The following PARP12 variants were observed in gnomAD, a reference collection of about 807,000 sequenced individuals.
PARP12 encodes protein mono-ADP-ribosyltransferase PARP12.
A neutral mutation model predicts 72.4 loss-of-function variants in PARP12; 59 were observed. The observed-to-expected ratio is 0.81, with a 90% CI of 0.66 to 1.01. The LOEUF (loss-of-function observed/expected upper bound fraction) is 1.01, where lower values mean the gene tolerates loss of function less well. PARP12 is among the 50% of genes least tolerant of loss of function. The probability of loss-of-function intolerance (pLI) is 0.00; values close to 1 mark genes in which losing one functional copy is unlikely to be tolerated. For synonymous variants in PARP12, 403 were observed against 371.4 expected, an observed-to-expected ratio of 1.09 and a Z score of -0.98; for missense variants, 851 against 914.0, an observed-to-expected ratio of 0.93 and a Z score of 0.89.
At chr7:140,046,097 T>C (rs891904537) in intron 5 of PARP12, among the ~76,000 whole-genome samples, 1 of 152,226 alleles carries the variant, frequency 6.6e-6, no homozygotes, top group Non-Finnish European at 1.5e-5. Flanking sequence ...CACTGAACTG[T>C]ATGCTTAATA....
chr7:140,025,795 G>A (rs1054348669), intron 11 of PARP12, among the ~76,000 whole-genome samples: 37 of 152,286 alleles, frequency 2.4e-4, no homozygotes, highest in African/African-American at 7.2e-4. Context: ...GATAACTCAC[G>A]TGATAGCTAG....
At position 140,049,851 on chromosome 7, in the gene PARP12, C is replaced by T. The variant is rs530372506; in HGVS notation, c.863-2844G>A. On this transcript the variant is annotated intron_variant, in intron 4 of 11. Transcript: ENST00000263549. ...GCGGTAGAGACATAAGGTCCTTTCC[C>T]TTGTCCTGGTCTTCCTGTCCCCTTT... Among the ~76,000 whole-genome samples, 3 of 152,232 alleles carry T rather than the reference C, an allele frequency of 2.0e-5. No individual in the cohort carries two copies. The South Asian group carries it at 6.2e-4, about 32-fold the overall frequency.
At chr7:140,025,628 G>A (rs2116508976) in intron 11 of PARP12, 1 of 442,946 alleles carries the variant, frequency 2.3e-6, no homozygotes, top group African/African-American at 2.0e-5. Context: ...AGAGAGAAGT[G>A]GCAGCATGTT....
At chr7:140,043,186 T>TC (rs1261973731) in intron 5 of PARP12, among the ~76,000 whole-genome samples, 1 of 151,888 alleles carries the variant, frequency 6.6e-6, no homozygotes, top group Non-Finnish European at 1.5e-5. Context: ...AGAGTGAGAC[T>TC]CCATCTCAAA....
At position 140,026,359 on chromosome 7, in the gene PARP12, A is replaced by C; in HGVS notation, c.1629-11T>G. The C allele has an allele frequency of 1.2e-6, 2 of 1,605,640 alleles. No homozygotes were observed. On this transcript the variant is annotated splice_polypyrimidine_tract_variant and intron_variant, in intron 10 of 11. Transcript: ENST00000263549. ...ATCTGTCCTTTTTGCCTAGAATCACAGAAGAATGTGTGCTGGGGGCAGAGT... is the reference window on the plus strand; with the variant it reads ...ATCTGTCCTTTTTGCCTAGAATCACCGAAGAATGTGTGCTGGGGGCAGAGT...
chr7:140,039,887 A>ACTGCT (rs112771273), intron 6 of PARP12, among the ~76,000 whole-genome samples: 13,444 of 152,038 alleles, frequency 0.088, 988 homozygotes, highest in African/African-American at 0.21. Context: ...ACATTCTCAA[A>ACTGCT]CTGCTCGCCA....
chr7:140,027,968 G>A (rs1366214058), intron 9 of PARP12, among the ~76,000 whole-genome samples: 1 of 152,130 alleles, frequency 6.6e-6, no homozygotes, highest in African/African-American at 2.4e-5. Flanking sequence ...TGCCTGCACT[G>A]TTGGCATCTG....
chr7:140,038,407 T>C, intron 6 of PARP12: 1 of 730,922 alleles, frequency 1.4e-6, no homozygotes, highest in Non-Finnish European at 1.7e-6. Flanking sequence ...TGGAGTGAGT[T>C]TGAATTCTGG....
At chr7:140,030,648 C>G (rs1815906835) in intron 8 of PARP12, among the ~76,000 whole-genome samples, 1 of 150,156 alleles carries the variant, frequency 6.7e-6, no homozygotes, top group African/African-American at 2.5e-5. Context: ...CATATTCAGA[C>G]AAACCAAAAA....
intron 3 of PARP12, 83 bp downstream of exon 3, chr7:140,056,773 T>C: frequency 7.2e-7 from 1 of 1,388,914 alleles, no homozygotes; most frequent in Non-Finnish European, 9.8e-7. Flanking sequence ...ACATTCCATG[T>C]AATGGCTAGC....
Position 140,062,830 on chromosome 7 carries a change from G to A in PARP12, c.18C>T (p.Val6=). 2 of 1,397,888 alleles carry A rather than the reference G, an allele frequency of 1.4e-6. No homozygotes were observed. The highest frequency in any genetic ancestry group is 2.7e-5 in the Admixed American group (1 of 36,648). 86.6% of individuals were successfully genotyped at this position (1,397,888 alleles called of 1,614,324 possible). Residue 6 remains valine (V), a synonymous_variant, in exon 1 of 12, where the codon GTC becomes GTT. Transcript: ENST00000263549. ...ACAGCACCTGGGTGACCTCACCGAC[G>A]ACGCCGGCCTGGGCCATGGCCGCTG... MAQAG[V]VGEVTQVLCA... is the part of the protein sequence containing the mutation.
At chr7:140,038,416 G>T in intron 6 of PARP12, 2 of 635,368 alleles carry the variant, frequency 3.1e-6, no homozygotes, top group Non-Finnish European at 3.9e-6. Flanking sequence ...TTTGAATTCT[G>T]GCTCCCAAAC....
intron 6 of PARP12, 155 bp from the exon 7 acceptor site, chr7:140,038,011 A>G: frequency 2.0e-6 from 2 of 985,404 alleles, no homozygotes; most frequent in Non-Finnish European, 2.4e-6. Flanking sequence ...CAGGAGAGAG[A>G]GGCACAGAAT....
At position 140,024,472 on chromosome 7, in the gene PARP12, TA is replaced by T. The variant is rs1569526151; in HGVS notation, c.*87del. Reference sequence around the variant, plus strand: ...GGTCAATGTTAAGAGAACAGTTCATTAAAAGTTTCTGTTTAAAAAGAAAAGG... The same window carrying T: ...GGTCAATGTTAAGAGAACAGTTCATTAAAGTTTCTGTTTAAAAAGAAAAGG... On this transcript the variant is annotated 3_prime_UTR_variant, in exon 12 of 12. Transcript: ENST00000263549. The T allele has an allele frequency of 2.3e-6, 3 of 1,313,614 alleles. No individual in the cohort carries two copies. The highest frequency in any genetic ancestry group is 3.2e-6 in the Non-Finnish European group (3 of 926,536). 81.4% of individuals were successfully genotyped at this position (1,313,614 alleles called of 1,614,324 possible).
chr7:140,025,110 T>G (rs1396291020), intron 11 of PARP12: 1 of 559,228 alleles, frequency 1.8e-6, no homozygotes, highest in African/African-American at 1.9e-5. Flanking sequence ...GTTACCAAAC[T>G]GAGATAGCAA....
intron 10 of PARP12, among the ~76,000 whole-genome samples, chr7:140,026,551 G>A (rs1381585725): frequency 6.6e-6 from 1 of 152,188 alleles, no homozygotes; most frequent in Non-Finnish European, 1.5e-5. Context: ...TGGGAGCTGG[G>A]TGAAAACCCT....
Position 140,046,870 on chromosome 7 carries a change from G to A in PARP12, c.986+14C>T. On this transcript the variant is annotated intron_variant, in intron 5 of 11. Transcript: ENST00000263549. ...GCCCAGGCACAAAGCAGAGACAAGG[G>A]ACATATTTCCTACCTTTCTATTTTG... 6.2e-7 allele frequency: 1 copy of A among 1,610,492 alleles called. No homozygotes were observed. The highest frequency in any genetic ancestry group is 1.1e-5 in the South Asian group (1 of 90,626).
At chr7:140,049,506 A>G (rs984954514) in intron 4 of PARP12, among the ~76,000 whole-genome samples, 1 of 152,208 alleles carries the variant, frequency 6.6e-6, no homozygotes, top group Non-Finnish European at 1.5e-5. Flanking sequence ...AGGCCACCCC[A>G]GGGCATCCCA....
rs201324614 is a variant in PARP12 at position 140,043,193 on chromosome 7, C to CA, written c.987-1355dup. Among the ~76,000 whole-genome samples the CA allele has an allele frequency of 8.4e-4, 126 of 150,264 alleles. 1 individual carries two copies. The highest frequency in any genetic ancestry group is 2.8e-3 in the African/African-American group (114 of 41,020). ...TGGGCGACAGAGTGAGACTCCATCTCAAAAAAAAAGAATTTCCAAAGAAAT... is the reference window on the plus strand; with the variant it reads ...TGGGCGACAGAGTGAGACTCCATCTCAAAAAAAAAAGAATTTCCAAAGAAAT... On this transcript the variant is annotated intron_variant, in intron 5 of 11. Coordinates refer to ENST00000263549, the MANE Select transcript of PARP12 (RefSeq NM_022750.4).
Sources: gnomAD v4.1 joint callset for allele counts (sites outside exome capture counted in the v4.1 genomes callset) on GRCh38, gnomAD v4.1.1 for gene constraint, MANE v1.5 for transcripts, NCBI Gene and HGNC (gene_info 2026-07-23, HGNC 2026-07-21) for gene names.